STK3: variants seen among roughly 807,000 people sequenced by gnomAD.
STK3 encodes serine/threonine-protein kinase 3.
Under a neutral mutation model 58.0 loss-of-function variants are expected in STK3, and 41 were observed. That is an observed-to-expected ratio of 0.71 (90% CI 0.55 to 0.92). The LOEUF is 0.92. Ranked by LOEUF, STK3 falls within the 40% of genes least tolerant of loss-of-function variation. The probability of loss-of-function intolerance (pLI) is 0.00; values close to 1 mark genes in which losing one functional copy is unlikely to be tolerated. For synonymous variants in STK3, 170 were observed against 191.0 expected, an observed-to-expected ratio of 0.89 and a Z score of 0.91; for missense variants, 479 against 602.7, an observed-to-expected ratio of 0.79 and a Z score of 2.15.
rs754457830 is a variant in STK3 at position 98,402,470 on chromosome 8, C to T, written n.484-957G>A. Reference sequence around the variant, plus strand: ...GTGAGGCTGAGTTTCTGAAAGGAAGCGAAAGTCTGGGCCCCACAGGAGAAA... The same window carrying T: ...GTGAGGCTGAGTTTCTGAAAGGAAGTGAAAGTCTGGGCCCCACAGGAGAAA... On this transcript the variant is annotated intron_variant and non_coding_transcript_variant, in intron 3 of 3. Transcript: ENST00000517832. Among the ~76,000 whole-genome samples the T allele has an allele frequency of 1.5e-4, 23 of 152,282 alleles. No individual in the cohort carries two copies. The Middle Eastern group carries it at 0.014, about 90-fold the overall frequency.
chr8:98,374,904 G>A (rs981127998), intron 2 of STK3, among the ~76,000 whole-genome samples: 3 of 152,116 alleles, frequency 2.0e-5, no homozygotes, highest in Non-Finnish European at 4.4e-5. Context: ...GGAGGTCAGG[G>A]TGGCAGGAAG....
chr8:98,904,327 G>A (rs1424223578), intron 1 of STK3, among the ~76,000 whole-genome samples: 3 of 152,158 alleles, frequency 2.0e-5, no homozygotes, highest in Non-Finnish European at 4.4e-5. Flanking sequence ...GGAAAAAGGG[G>A]ATGCCAGCAT....
chr8:98,594,564 C>G (rs192033886), intron 7 of STK3, among the ~76,000 whole-genome samples: 22 of 152,036 alleles, frequency 1.4e-4, no homozygotes, highest in African/African-American at 5.3e-4. Flanking sequence ...CCACTGCACT[C>G]TAGCCTGGGT....
chr8:98,427,231 C>T (rs1818249721), intron 3 of STK3: 1 of 150,982 alleles, frequency 6.6e-6, no homozygotes, highest in African/African-American at 2.4e-5. Flanking sequence ...CTCGCACCCG[C>T]GCACGCACCG....
intron 10 of STK3, among the ~76,000 whole-genome samples, chr8:98,504,100 T>C (rs184674364): frequency 2.6e-5 from 4 of 152,358 alleles, no homozygotes; most frequent in East Asian, 3.9e-4. Context: ...ATATTTAGGA[T>C]AGTTAGCTCT....
intron 6 of STK3, among the ~76,000 whole-genome samples, chr8:98,644,882 G>T (rs548544773): frequency 6.6e-6 from 1 of 152,240 alleles, no homozygotes; most frequent in East Asian, 1.9e-4. Context: ...AACATTGAAT[G>T]CAATTCTATG....
rs532229136 is a variant in STK3 at position 98,697,349 on chromosome 8, C to G, written c.684+9118G>C. Among the ~76,000 whole-genome samples the G allele has an allele frequency of 1.1e-4, 16 of 152,268 alleles. 1 individual carries two copies. The South Asian group carries it at 3.3e-3, about 32-fold the overall frequency. On this transcript the variant is annotated intron_variant, in intron 6 of 10. Transcript: ENST00000419617. ...ATTTTTTGAAGGGTTTTTTGTGTCT[C>G]TATTTCCTTCAGTTCTACTCTGATT... is the stretch of plus-strand genomic sequence containing the variant.
chr8:98,535,571 C>T (rs1389389291), intron 9 of STK3, among the ~76,000 whole-genome samples: 1 of 151,958 alleles, frequency 6.6e-6, no homozygotes, highest in Non-Finnish European at 1.5e-5. Flanking sequence ...TTTACAAACT[C>T]CCCAGTGCTG....
chr8:98,895,075 C>T (rs886318542), intron 1 of STK3, among the ~76,000 whole-genome samples: 5 of 152,126 alleles, frequency 3.3e-5, no homozygotes, highest in Admixed American at 3.3e-4. Flanking sequence ...AACTCAGGAG[C>T]AATGGCACTG....
intron 4 of STK3, among the ~76,000 whole-genome samples, chr8:98,709,914 G>A (rs1457041237): frequency 2.2e-5 from 3 of 135,614 alleles, no homozygotes; most frequent in East Asian, 2.0e-4. Context: ...AAAAGTAATC[G>A]CAGTTTTTGC....
At chr8:98,789,009 G>A (rs979754888) in intron 1 of STK3, among the ~76,000 whole-genome samples, 1 of 152,146 alleles carries the variant, frequency 6.6e-6, no homozygotes, top group Non-Finnish European at 1.5e-5. Context: ...CATATGAGAG[G>A]CCACAAAACG....
At chr8:98,505,331 C>T (rs937113397) in intron 10 of STK3, among the ~76,000 whole-genome samples, 3 of 152,084 alleles carry the variant, frequency 2.0e-5, no homozygotes, top group Non-Finnish European at 2.9e-5. Flanking sequence ...GCAATGGGTT[C>T]GAACATCCTC....
intron 8 of STK3, among the ~76,000 whole-genome samples, chr8:98,567,329 C>A (rs1406289468): frequency 6.6e-6 from 1 of 152,174 alleles, no homozygotes; most frequent in African/African-American, 2.4e-5. Flanking sequence ...TCCTGAGTAG[C>A]TGGGACTACA....
intron 10 of STK3, among the ~76,000 whole-genome samples, chr8:98,456,513 C>T (rs533871330): frequency 3.3e-4 from 50 of 152,252 alleles, no homozygotes; most frequent in African/African-American, 1.1e-3. Context: ...TGGTAGGGGG[C>T]GGGAAGTAAG....
chr8:98,589,174 C>T (rs1436815996), intron 7 of STK3, among the ~76,000 whole-genome samples: 2 of 152,122 alleles, frequency 1.3e-5, no homozygotes, highest in Admixed American at 1.3e-4. Context: ...GAGAGGCACT[C>T]TGCTTTTTAG....
intron 10 of STK3, among the ~76,000 whole-genome samples, chr8:98,517,498 A>T (rs1310366009): frequency 6.6e-6 from 1 of 152,084 alleles, no homozygotes; most frequent in Non-Finnish European, 1.5e-5. Flanking sequence ...CATACTTCTA[A>T]CTGTGGAAGA....
chr8:98,429,359 G>A lies in STK3; in HGVS notation n.483+4768C>T, dbSNP rs200495111. 6.3e-5 allele frequency: 102 copies of A among 1,614,056 alleles called. 1 individual carries two copies. The East Asian group carries it at 2.1e-3, about 33-fold the overall frequency. On this transcript the variant is annotated intron_variant and non_coding_transcript_variant, in intron 3 of 3. Coordinates refer to the STK3 transcript ENST00000517832. The stretch of plus-strand genomic sequence containing the variant: ...TTAAATCCCTTATGGCAAGCCTGAC[G>A]AACATGAGCAGGAGCTCACCAAGTG...
intron 10 of STK3, among the ~76,000 whole-genome samples, chr8:98,506,908 GC>G (rs1824130231): frequency 6.6e-6 from 1 of 152,102 alleles, no homozygotes; most frequent in South Asian, 2.1e-4. Flanking sequence ...CTCAGGTTTA[GC>G]CCCGTTAAGA....
chr8:98,707,131 A>G lies in STK3; in HGVS notation c.516+16T>C. 1 of 1,593,122 alleles carries G rather than the reference A, an allele frequency of 6.3e-7. No homozygotes were observed. The highest frequency in any genetic ancestry group is 1.2e-5 in the South Asian group (1 of 84,106). ...AAATTAGCCAAGTGTTTAGAAAACCATTAAAGTTAACTTACTGTTAACTGA... is the reference window on the plus strand; with the variant it reads ...AAATTAGCCAAGTGTTTAGAAAACCGTTAAAGTTAACTTACTGTTAACTGA... On this transcript the variant is annotated intron_variant, in intron 5 of 10. Transcript: ENST00000419617.
Sources: gnomAD v4.1 joint callset for allele counts (sites outside exome capture counted in the v4.1 genomes callset) on GRCh38, gnomAD v4.1.1 for gene constraint, MANE v1.5 for transcripts, NCBI Gene and HGNC (gene_info 2026-07-23, HGNC 2026-07-21) for gene names.